The following PRDM11 variants were observed in gnomAD, a reference collection of about 807,000 sequenced individuals.
PRDM11 encodes the protein PR/SET domain 11.
A neutral mutation model predicts 97.8 loss-of-function variants in PRDM11; 20 were observed. The ratio of observed to expected loss-of-function variants is 0.20; its 90% CI spans 0.14 to 0.30. The LOEUF is 0.30. Among genes scored for constraint, PRDM11 ranks in the 10% least tolerant of loss-of-function variants. PRDM11 has a pLI of 1.00. For synonymous variants in PRDM11, 599 were observed against 637.7 expected (o/e 0.94, Z 0.91); for missense variants, 1,139 against 1,555.2 (o/e 0.73, Z 4.50).
intron 1 of PRDM11, among the ~76,000 whole-genome samples, chr11:45,141,149 T>C (rs1187684169): frequency 6.6e-6 from 1 of 152,222 alleles, no homozygotes; most frequent in Non-Finnish European, 1.5e-5. Flanking sequence ...CTAGACACAC[T>C]GTTAAGAAAT....
chr11:45,106,261 C>A (rs1368337249), intron 1 of PRDM11, among the ~76,000 whole-genome samples: 1 of 152,132 alleles, frequency 6.6e-6, no homozygotes, highest in Non-Finnish European at 1.5e-5. Flanking sequence ...GTTTACACCC[C>A]GTTGGCAGCC....
In PRDM11 at chr11:45,226,839, C is replaced by G. The variant is rs1266018076; in HGVS notation, c.2214C>G (p.Ala738=). 3.9e-6 allele frequency: 6 copies of G among 1,533,648 alleles called. No individual in the cohort carries two copies. The highest frequency in any genetic ancestry group is 5.2e-6 in the Non-Finnish European group (6 of 1,146,670). ...GLGVDGANIT[A]SLRASMFMTI... is the part of the protein sequence containing the mutation. ...GTGTAGATGGAGCCAACATCACAGC[C>G]AGCCTCCGTGCCAGCATGTTCATGA... Residue 738 remains alanine (A), a synonymous_variant, in exon 8 of 8, where the codon GCC becomes GCG. Coordinates refer to ENST00000683152, the MANE Select transcript of PRDM11 (RefSeq NM_001384648.1).
At chr11:45,144,489 C>T (rs943813771), upstream of PRDM11, among the ~76,000 whole-genome samples, 1 of 152,184 alleles carries the variant, frequency 6.6e-6, no homozygotes, top group South Asian at 2.1e-4. Flanking sequence ...AAAACCAATG[C>T]CACAAGAAAT....
rs1221255254 is a variant in PRDM11, at chr11:45,228,371, CT to C, written c.*213del. 1 of 170,002 alleles carries C rather than the reference CT, an allele frequency of 5.9e-6. No homozygotes were observed. The highest frequency in any genetic ancestry group is 2.4e-5 in the African/African-American group (1 of 41,670). 10.5% of individuals were successfully genotyped at this position (170,002 alleles called of 1,614,324 possible). ...TTTCAGAAAGGAAAAATGTTGGAAA[CT>C]GACTCTTGTCTACAAAATTTGGCAG... On this transcript the variant is annotated 3_prime_UTR_variant, in exon 8 of 8. Coordinates refer to ENST00000683152, the MANE Select transcript of PRDM11 (RefSeq NM_001384648.1).
chr11:45,121,733 A>T (rs1260876088), intron 1 of PRDM11, among the ~76,000 whole-genome samples: 2 of 152,214 alleles, frequency 1.3e-5, no homozygotes, highest in African/African-American at 4.8e-5. Context: ...AACTGAAATT[A>T]TACAGAATAT....
chr11:45,163,573 T>G (rs1188813932), intron 1 of PRDM11, among the ~76,000 whole-genome samples: 1 of 152,136 alleles, frequency 6.6e-6, no homozygotes, highest in Non-Finnish European at 1.5e-5. Flanking sequence ...TCCACTCAGA[T>G]TTGCACTCTT....
chr11:45,104,972 T>C (rs1179464242), intron 1 of PRDM11, among the ~76,000 whole-genome samples: 1 of 152,194 alleles, frequency 6.6e-6, no homozygotes, highest in Non-Finnish European at 1.5e-5. Context: ...TGGCCCCATG[T>C]CTTAGTCTGC....
chr11:45,208,157 A>G (rs1432429560), intron 5 of PRDM11, among the ~76,000 whole-genome samples: 3 of 152,172 alleles, frequency 2.0e-5, no homozygotes, highest in Admixed American at 6.5e-5. Flanking sequence ...AATTCTACCA[A>G]AAAGTCACAG....
At position 45,227,169 on chromosome 11, in the gene PRDM11, T is replaced by C. The variant is rs569108258; in HGVS notation, c.2544T>C (p.His848=). ...AGGACTACCTGGAGGTGGTGGCCCATCTCAAGGAGGTCAGCAGCCAGACCC... is the reference window on the plus strand; with the variant it reads ...AGGACTACCTGGAGGTGGTGGCCCACCTCAAGGAGGTCAGCAGCCAGACCC... ...LIKDYLEVVA[H]LKEVSSQTQR... Residue 848 remains histidine (H), a synonymous_variant, in exon 8 of 8, where the codon CAT becomes CAC. Coordinates refer to ENST00000683152, the MANE Select transcript of PRDM11 (RefSeq NM_001384648.1). The surrounding 1 kb of genome is among the most constrained non-coding windows in gnomAD (Gnocchi z 8.0). 5.2e-5 allele frequency: 80 copies of C among 1,533,896 alleles called. 1 individual carries two copies. In the East Asian group the frequency reaches 1.8e-3, roughly 35 times the overall value.
rs1854471979 is a variant in PRDM11 at position 45,234,770 on chromosome 11, G to A, written c.*6611G>A. 6.6e-6 allele frequency: 1 copy of A among 152,268 alleles called. No homozygotes were observed. Among genetic ancestry groups the A allele is most frequent in the Admixed American group, 6.5e-5 (1 of 15,280 alleles). The allele number at this position is 152,268 out of a possible 1,614,324, so 9.4% of individuals were successfully genotyped here. On this transcript the variant is annotated 3_prime_UTR_variant, in exon 8 of 8. Transcript: ENST00000683152. ...TTTTGTCTCTCCGGAAGAACCAGCA[G>A]TCTGATTCCGTCTATTTCAGCCCCC...
intron 1 of PRDM11, among the ~76,000 whole-genome samples, chr11:45,116,503 C>T (rs372766827): frequency 6.6e-6 from 1 of 152,060 alleles, no homozygotes; most frequent in Non-Finnish European, 1.5e-5. Flanking sequence ...CTAGAAAATC[C>T]TCAGATAATT....
In PRDM11 at chr11:45,219,310, T is replaced by C. The variant is rs1590468235; in HGVS notation, c.555-260T>C. ...TGGTGTGAGGCAGGCAGGGCAGGTG[T>C]CATATCCAGTCTCAGAAAACAGAGA... On this transcript the variant is annotated intron_variant, in intron 5 of 7. Coordinates refer to ENST00000683152, the MANE Select transcript of PRDM11 (RefSeq NM_001384648.1). The surrounding 1 kb of genome is among the most constrained non-coding windows in gnomAD (Gnocchi z 4.2). 6.6e-6 allele frequency among the ~76,000 whole-genome samples: 1 copy of C among 152,188 alleles called. No homozygotes were observed. The highest frequency in any genetic ancestry group is 2.4e-5 in the African/African-American group (1 of 41,452).
At chr11:45,204,961 T>C (rs1853455134) in intron 5 of PRDM11, among the ~76,000 whole-genome samples, 183 bp downstream of exon 5, 1 of 152,148 alleles carries the variant, frequency 6.6e-6, no homozygotes, top group South Asian at 2.1e-4. Flanking sequence ...CAGGGGGCTC[T>C]AGAGGACGGC....
In PRDM11 at chr11:45,108,043, A is replaced by C. The variant is rs1296299395; in HGVS notation, c.96+12142A>C. 2.6e-5 allele frequency among the ~76,000 whole-genome samples: 4 copies of C among 152,248 alleles called. No homozygotes were observed. In the East Asian group the frequency reaches 7.7e-4, roughly 29 times the overall value. ...GTATTTTTAGTAGAGACAGGGTCTC[A>C]CCATGTTGACTAGGCTGGTCTCAAA... On this transcript the variant is annotated intron_variant, in intron 1 of 6. Coordinates refer to the PRDM11 transcript ENST00000530656.
At chr11:45,120,065 G>A (rs1852396323) in intron 1 of PRDM11, among the ~76,000 whole-genome samples, 1 of 152,206 alleles carries the variant, frequency 6.6e-6, no homozygotes, top group African/African-American at 2.4e-5. Flanking sequence ...GGCCATTCTA[G>A]AATTGAAAAT....
At chr11:45,143,905 C>G (rs750040892), upstream of PRDM11, among the ~76,000 whole-genome samples, 6 of 152,204 alleles carry the variant, frequency 3.9e-5, no homozygotes, top group Non-Finnish European at 5.9e-5. Context: ...ATCCCTACTT[C>G]TGACTTTCAG....
chr11:45,211,361 G>A (rs548570360), intron 5 of PRDM11, among the ~76,000 whole-genome samples: 2 of 152,168 alleles, frequency 1.3e-5, no homozygotes, highest in South Asian at 2.1e-4. Flanking sequence ...AGTTGAGTCC[G>A]CAGATCCAGG....
intron 1 of PRDM11, among the ~76,000 whole-genome samples, chr11:45,171,624 C>A (rs184351485): frequency 2.0e-5 from 3 of 152,296 alleles, no homozygotes; most frequent in African/African-American, 7.2e-5. Flanking sequence ...TACAGAGGCA[C>A]AGGCAGAGTG....
chr11:45,109,268 G>T (rs569496566), intron 1 of PRDM11, among the ~76,000 whole-genome samples: 9 of 152,306 alleles, frequency 5.9e-5, no homozygotes, highest in South Asian at 4.1e-4. Context: ...TGCAGGCTTG[G>T]CAATGCCAGT....
Sources: allele counts gnomAD v4.1 joint callset (sites outside exome capture counted in the v4.1 genomes callset), GRCh38; gene constraint gnomAD v4.1.1; non-coding constraint Gnocchi (gnomAD v3.1); transcripts MANE v1.5; gene names NCBI Gene and HGNC (gene_info 2026-07-23, HGNC 2026-07-21).